CADM3: variants seen among roughly 807,000 people sequenced by gnomAD.
CADM3 encodes the protein cell adhesion molecule 3, also known as TSLC1-like 1.
In CADM3, 11 loss-of-function variants were observed where a neutral mutation model predicts 44.9. The ratio of observed to expected loss-of-function variants is 0.25; its 90% confidence interval spans 0.15 to 0.41. The LOEUF is 0.41. Ranked by LOEUF, CADM3 falls within the 10% of genes least tolerant of loss-of-function variation. CADM3 has a pLI of 1.00. For missense variants in CADM3, 426 were observed against 512.0 expected (o/e 0.83, Z 1.62); for synonymous variants, 207 against 205.2 (o/e 1.01, Z -0.08).
At chr1:159,195,008 A>C (rs994788641) in intron 5 of CADM3, 7 of 152,256 alleles carry the variant, frequency 4.6e-5, no homozygotes, top group African/African-American at 1.7e-4. Flanking sequence ...GGCAGTTTTC[A>C]AAATAACCAA....
rs35942876 is a variant in CADM3, at chr1:159,187,712, C to T, written c.89-4224C>T. ...TGTCTTCTCCCTGTCCCTCTGCCGTCCCACACCTTGGCACAACCAATTTGG... is the reference window on the plus strand; with the variant it reads ...TGTCTTCTCCCTGTCCCTCTGCCGTTCCACACCTTGGCACAACCAATTTGG... On this transcript the variant is annotated intron_variant, in intron 1 of 8. Coordinates refer to ENST00000368125, the MANE Select transcript of CADM3 (RefSeq NM_001127173.3). 2.9e-3 allele frequency among the ~76,000 whole-genome samples: 443 copies of T among 152,258 alleles called. 3 individuals carry two copies. The highest frequency in any genetic ancestry group is 9.8e-3 in the African/African-American group (409 of 41,554).
intron 1 of CADM3, chr1:159,189,680 G>A (rs898204041): frequency 1.0e-6 from 1 of 987,418 alleles, no homozygotes. Context: ...CAGGGACCTA[G>A]CCTTTCCCAC....
At chr1:159,186,163 TAGAG>T (rs1408588718) in intron 1 of CADM3, among the ~76,000 whole-genome samples, 9 of 152,126 alleles carry the variant, frequency 5.9e-5, no homozygotes, top group African/African-American at 1.9e-4. Context: ...AAAGCGTTCA[TAGAG>T]AGAATTCCAA....
chr1:159,186,574 A>T (rs1649428113), intron 1 of CADM3, among the ~76,000 whole-genome samples: 3 of 152,210 alleles, frequency 2.0e-5, no homozygotes, highest in African/African-American at 7.2e-5. Context: ...CTGAATCCAA[A>T]GAAGGTACAA....
At chr1:159,195,402 C>G (rs1348585779) in intron 5 of CADM3, 2 of 152,268 alleles carry the variant, frequency 1.3e-5, no homozygotes, top group Non-Finnish European at 2.9e-5. Context: ...TTCCCCCCGC[C>G]CCTTGGTCCC....
chr1:159,188,308 C>T (rs1212674506), intron 1 of CADM3, among the ~76,000 whole-genome samples: 2 of 151,064 alleles, frequency 1.3e-5, no homozygotes, highest in African/African-American at 4.9e-5. Flanking sequence ...CCTCTTCTCC[C>T]TCCCCTCTCC....
chr1:159,185,384 C>A (rs971692333), intron 1 of CADM3, among the ~76,000 whole-genome samples: 3 of 151,768 alleles, frequency 2.0e-5, no homozygotes, highest in African/African-American at 7.3e-5. Flanking sequence ...TCCCAGTTTA[C>A]GCTCTACCCT....
intron 1 of CADM3, among the ~76,000 whole-genome samples, chr1:159,172,359 C>T (rs534183378): frequency 1.3e-5 from 2 of 152,072 alleles, no homozygotes; most frequent in East Asian, 3.9e-4. Context: ...CATTTCTGCT[C>T]CCCCGCCCGT....
At chr1:159,194,087 G>C in intron 5 of CADM3, 47 bp downstream of exon 5, 7 of 1,555,410 alleles carry the variant, frequency 4.5e-6, no homozygotes, top group Non-Finnish European at 6.1e-6. Context: ...ATGAGATGAG[G>C]ACCAGGGAGA....
Position 159,203,168 on chromosome 1 carries a change from C to G in CADM3, c.*2246C>G, listed in dbSNP as rs1278380161. The G allele has an allele frequency of 6.5e-6, 1 of 152,716 alleles. No individual in the cohort carries two copies. The highest frequency in any genetic ancestry group is 1.5e-5 in the Non-Finnish European group (1 of 68,316). The allele number at this position is 152,716 out of a possible 1,614,324, so 9.5% of individuals were successfully genotyped here. Reference sequence around the variant, plus strand: ...ATTCAGCTGCCTCCTTTCTGGTCCTCTTGCTGCTGCTGGGATGTGTGTATG... The same window carrying G: ...ATTCAGCTGCCTCCTTTCTGGTCCTGTTGCTGCTGCTGGGATGTGTGTATG... On this transcript the variant is annotated 3_prime_UTR_variant, in exon 9 of 9. Transcript: ENST00000368125.
chr1:159,183,462 G>A (rs1268986185), intron 1 of CADM3, among the ~76,000 whole-genome samples: 1 of 152,156 alleles, frequency 6.6e-6, no homozygotes, highest in Non-Finnish European at 1.5e-5. Context: ...GAGGAGCAAG[G>A]TCTCAGTAGC....
intron 1 of CADM3, among the ~76,000 whole-genome samples, chr1:159,180,301 A>G (rs1450215402): frequency 6.6e-6 from 1 of 152,218 alleles, no homozygotes; most frequent in Non-Finnish European, 1.5e-5. Flanking sequence ...ATGATTAGTG[A>G]GAATCAGAGT....
chr1:159,199,827 G>T lies in CADM3; in HGVS notation c.1029G>T (p.Leu343=), dbSNP rs375472324. 6.2e-7 allele frequency: 1 copy of T among 1,614,044 alleles called. No homozygotes were observed. Among genetic ancestry groups the T allele is most frequent in the Non-Finnish European group, 8.5e-7 (1 of 1,180,020 alleles). ...GGATCGTGGCTTTCATTGTCTTCCTGCTGCTCATCATGCTCATCTTCCTTG... is the reference window on the plus strand; with the variant it reads ...GGATCGTGGCTTTCATTGTCTTCCTTCTGCTCATCATGCTCATCTTCCTTG... ...IGGIVAFIVF[L]LLIMLIFLGH... The change falls in exon 8 of 9, where the codon CTG becomes CTT. Residue 343 remains leucine, a synonymous_variant. Transcript: ENST00000368125.
At chr1:159,175,695 C>A (rs986767846) in intron 1 of CADM3, among the ~76,000 whole-genome samples, 1 of 152,316 alleles carries the variant, frequency 6.6e-6, no homozygotes, top group Non-Finnish European at 1.5e-5. Context: ...AGCTTACTAC[C>A]CTTAGGCTCT....
At chr1:159,190,989 A>G (rs1649635863) in intron 1 of CADM3, among the ~76,000 whole-genome samples, 1 of 152,182 alleles carries the variant, frequency 6.6e-6, no homozygotes. Flanking sequence ...AGTTCTGAAG[A>G]TGAGGGAATC....
In CADM3 at chr1:159,192,619, C is replaced by T. The variant is rs375999159; in HGVS notation, c.271C>T (p.His91Tyr). 7 of 1,614,084 alleles carry T rather than the reference C, an allele frequency of 4.3e-6. No individual in the cohort carries two copies. The African/African-American group carries it at 6.7e-5, about 15-fold the overall frequency. ...NRIQLVTSTP[H>Y]ELSISISNVA... ...AATTCAGCTGGTTACCTCTACGCCC[C>T]ACGAGCTCAGCATCAGCATCAGCAA... is the stretch of plus-strand genomic sequence containing the variant. The change falls in exon 3 of 9, where the codon CAC becomes TAC. Residue 91 changes from histidine to tyrosine, a missense_variant. Physicochemically the swap from His to Tyr is moderately conservative, Grantham distance 83. Transcript: ENST00000368125.
chr1:159,177,228 G>A (rs1312662941), intron 1 of CADM3, among the ~76,000 whole-genome samples: 1 of 151,986 alleles, frequency 6.6e-6, no homozygotes, highest in East Asian at 1.9e-4. Flanking sequence ...GAGTCTGGTG[G>A]TGGTCCTCAT....
At position 159,196,388 on chromosome 1, in the gene CADM3, C is replaced by T. The variant is rs1649892862; in HGVS notation, c.716C>T (p.Pro239Leu). Residue 239 changes from proline to leucine, a missense_variant, in exon 6 of 9, where the codon CCA becomes CTA. By Grantham distance (98) the Pro-to-Leu change is moderately conservative (BLOSUM62 -3). Around this residue, in one of 2 missense-constraint regions of CADM3, gnomAD observed 362 missense variants for 474.6 expected, o/e 0.76. Coordinates refer to ENST00000368125, the MANE Select transcript of CADM3 (RefSeq NM_001127173.3). ...GACACACCAACTGCGATGATTAGGC[C>T]AGACCCTCCCCATCCTCGTGAGGGC... ...VLYTPTAMIR[P>L]DPPHPREGQK... 6.2e-7 allele frequency: 1 copy of T among 1,614,006 alleles called. No homozygotes were observed. Among genetic ancestry groups the T allele is most frequent in the Non-Finnish European group, 8.5e-7 (1 of 1,180,014 alleles).
intron 1 of CADM3, among the ~76,000 whole-genome samples, chr1:159,188,649 CG>C (rs1210693065): frequency 1.3e-5 from 2 of 152,082 alleles, no homozygotes; most frequent in Non-Finnish European, 2.9e-5. Flanking sequence ...TTGGCTACTT[CG>C]GGGCGCTGCG....
Sources: allele counts gnomAD v4.1 joint callset (sites outside exome capture counted in the v4.1 genomes callset), GRCh38; gene constraint gnomAD v4.1.1; regional missense constraint gnomAD v4.1.1; transcripts MANE v1.5; gene names NCBI Gene and HGNC (gene_info 2026-07-23, HGNC 2026-07-21).